The following VRK1 variants were observed in gnomAD, a reference collection of about 807,000 sequenced individuals.
VRK1 encodes VRK serine/threonine kinase 1, also known as serine/threonine-protein kinase VRK1.
A neutral mutation model predicts 57.1 loss-of-function variants in VRK1; 33 were observed. The ratio of observed to expected loss-of-function variants is 0.58; its 90% CI spans 0.44 to 0.77. The LOEUF (loss-of-function observed/expected upper bound fraction) is 0.77. Among genes scored for constraint, VRK1 ranks in the 30% least tolerant of loss-of-function variants. VRK1 has a pLI of 0.00. For synonymous variants in VRK1, 137 were observed against 147.8 expected (o/e 0.93, Z 0.53); for missense variants, 413 against 477.3 (o/e 0.87, Z 1.25).
At chr14:96,821,605 G>T (rs143294248) in intron 1 of VRK1, among the ~76,000 whole-genome samples, 11 of 152,266 alleles carry the variant, frequency 7.2e-5, no homozygotes, top group African/African-American at 2.6e-4. Context: ...GTAATAACTG[G>T]TAGCTGTTTC....
chr14:96,844,943 A>T (rs192455476), intron 3 of VRK1, among the ~76,000 whole-genome samples: 2 of 152,290 alleles, frequency 1.3e-5, no homozygotes, highest in Non-Finnish European at 2.9e-5. Context: ...TCTACAGTTG[A>T]GGGTATCTTG....
intron 10 of VRK1, among the ~76,000 whole-genome samples, chr14:96,858,742 T>C (rs1888266966): frequency 6.6e-6 from 1 of 152,238 alleles, no homozygotes; most frequent in South Asian, 2.1e-4. Context: ...AATTGTCCTT[T>C]TTGCCTGTTC....
At chr14:96,840,192 G>A (rs1032862218) in intron 3 of VRK1, among the ~76,000 whole-genome samples, 9 of 151,966 alleles carry the variant, frequency 5.9e-5, no homozygotes, top group African/African-American at 2.2e-4. Flanking sequence ...TTTACTCCTA[G>A]GATCTCTAGG....
At chr14:96,868,733 A>G (rs1180325887) in intron 11 of VRK1, among the ~76,000 whole-genome samples, 2 of 152,136 alleles carry the variant, frequency 1.3e-5, no homozygotes, top group South Asian at 2.1e-4. Flanking sequence ...TGAGATCTCA[A>G]AGGATATTAT....
chr14:96,879,165 A>T (rs758753568), intron 12 of VRK1, among the ~76,000 whole-genome samples: 20 of 152,148 alleles, frequency 1.3e-4, no homozygotes, highest in Non-Finnish European at 2.4e-4. Context: ...AATTATATAC[A>T]TTAGTCTTCT....
At chr14:96,823,815 A>G (rs568426959) in intron 1 of VRK1, among the ~76,000 whole-genome samples, 67 of 152,266 alleles carry the variant, frequency 4.4e-4, no homozygotes, top group African/African-American at 1.5e-3. Flanking sequence ...ACTTAGCATA[A>G]CTGTCCTCAA....
In VRK1 at chr14:96,865,308, G is replaced by A. The variant is rs80241940; in HGVS notation, c.1068+4573G>A. Among the ~76,000 whole-genome samples, 11 of 152,174 alleles carry A rather than the reference G, an allele frequency of 7.2e-5. No homozygotes were observed. The East Asian group carries it at 2.1e-3, about 29-fold the overall frequency. On this transcript the variant is annotated intron_variant, in intron 11 of 12. Coordinates refer to ENST00000216639, the MANE Select transcript of VRK1 (RefSeq NM_003384.3). ...GATCTCAACCATTTGTGGAAAAGACGATCGTGTCCTTACAGCATTGCAGTG... is the reference window on the plus strand; with the variant it reads ...GATCTCAACCATTTGTGGAAAAGACAATCGTGTCCTTACAGCATTGCAGTG...
chr14:96,871,391 A>C (rs1375228210), intron 11 of VRK1, among the ~76,000 whole-genome samples: 1 of 138,868 alleles, frequency 7.2e-6, no homozygotes, highest in Non-Finnish European at 1.6e-5. Context: ...ACTGTGATGT[A>C]ATGTGTGTGT....
intron 1 of VRK1, among the ~76,000 whole-genome samples, chr14:96,831,805 T>G (rs1329863578): frequency 6.6e-6 from 1 of 152,202 alleles, no homozygotes; most frequent in Admixed American, 6.5e-5. Flanking sequence ...GATGATTTGA[T>G]AAAGTGGGTT....
chr14:96,800,644 T>G (rs531853446), intron 1 of VRK1, among the ~76,000 whole-genome samples: 81 of 152,266 alleles, frequency 5.3e-4, no homozygotes, highest in Middle Eastern at 3.4e-3. Context: ...AGTCTTTAGG[T>G]AAGTATATGG....
intron 11 of VRK1, among the ~76,000 whole-genome samples, chr14:96,866,677 C>T (rs938690085): frequency 2.0e-5 from 3 of 152,096 alleles, no homozygotes; most frequent in African/African-American, 7.2e-5. Context: ...TCTTTTCTCC[C>T]CCAAGCTGCC....
At chr14:96,878,110 A>G (rs1199920063) in intron 12 of VRK1, among the ~76,000 whole-genome samples, 2 of 152,096 alleles carry the variant, frequency 1.3e-5, no homozygotes, top group African/African-American at 4.8e-5. Flanking sequence ...ATTACAGTTC[A>G]CTTTTTTCCC....
intron 1 of VRK1, among the ~76,000 whole-genome samples, chr14:96,813,808 C>T (rs552121386): frequency 4.7e-4 from 71 of 152,214 alleles, no homozygotes; most frequent in African/African-American, 1.7e-3. Context: ...GCAGTATGTG[C>T]TCTCTTTTAA....
In VRK1 at chr14:96,812,256, T is replaced by C. The variant is rs137939268; in HGVS notation, c.-6+14809T>C. ...GCTGCTATGGACATTTATGTACAAG[T>C]TGTTGTGTGGGTATGTGTTTTCATT... On this transcript the variant is annotated intron_variant, in intron 1 of 12. Transcript: ENST00000216639. 1.1e-3 allele frequency among the ~76,000 whole-genome samples: 174 copies of C among 152,322 alleles called. 2 individuals carry two copies. The highest frequency in any genetic ancestry group is 3.9e-3 in the African/African-American group (161 of 41,576).
intron 1 of VRK1, among the ~76,000 whole-genome samples, chr14:96,832,564 A>G (rs1887048735): frequency 6.6e-6 from 1 of 152,118 alleles, no homozygotes; most frequent in Admixed American, 6.6e-5. Flanking sequence ...GATCAAGATT[A>G]CCCAACCAGC....
chr14:96,854,705 A>C (rs1888080559), intron 7 of VRK1, among the ~76,000 whole-genome samples: 1 of 152,180 alleles, frequency 6.6e-6, no homozygotes, highest in African/African-American at 2.4e-5. Flanking sequence ...TGATGTATGA[A>C]ATGTTTTTAT....
At chr14:96,850,892 C>A (rs1887919035) in intron 5 of VRK1, among the ~76,000 whole-genome samples, 1 of 152,150 alleles carries the variant, frequency 6.6e-6, no homozygotes, top group Non-Finnish European at 1.5e-5. Context: ...ACTAAAAACA[C>A]TTTCTAATTT....
intron 11 of VRK1, among the ~76,000 whole-genome samples, chr14:96,866,467 T>C (rs1312161706): frequency 1.3e-5 from 2 of 152,222 alleles, no homozygotes; most frequent in Admixed American, 1.3e-4. Context: ...TTTAGTTCTT[T>C]ATGTGTTTCT....
chr14:96,857,344 G>A (rs964402870), intron 10 of VRK1, among the ~76,000 whole-genome samples: 13 of 152,108 alleles, frequency 8.5e-5, no homozygotes, highest in Non-Finnish European at 1.5e-5. Context: ...TCACTTGGAA[G>A]GTGACATTTG....
Sources: allele counts gnomAD v4.1 joint callset (sites outside exome capture counted in the v4.1 genomes callset), GRCh38; gene constraint gnomAD v4.1.1; transcripts MANE v1.5; gene names NCBI Gene and HGNC (gene_info 2026-07-23, HGNC 2026-07-21).